SLC39A5: variants seen among roughly 807,000 people sequenced by gnomAD.
The protein encoded by SLC39A5 is zinc transporter ZIP5.
Under a neutral mutation model 46.9 loss-of-function variants are expected in SLC39A5, and 42 were observed. That is an observed-to-expected ratio of 0.90 (90% CI 0.70 to 1.16). The LOEUF is 1.16. SLC39A5 is among the 50% of genes most tolerant of loss of function. The pLI, the probability that SLC39A5 is intolerant of heterozygous loss-of-function variation, is 0.00. For missense variants in SLC39A5, 677 were observed against 686.8 expected (o/e 0.99, Z 0.16); for synonymous variants, 311 against 323.1 (o/e 0.96, Z 0.40).
At chr12:56,232,391 T>C (rs971976543) in intron 4 of SLC39A5, among the ~76,000 whole-genome samples, 81 of 151,632 alleles carry the variant, frequency 5.3e-4, no homozygotes, top group Admixed American at 8.5e-4. Flanking sequence ...GTCTCGAACT[T>C]CCAACCTCAG....
At chr12:56,232,660 A>G (rs1235290755) in intron 4 of SLC39A5, 29 bp from the exon 5 acceptor site, 1 of 1,568,302 alleles carries the variant, frequency 6.4e-7, no homozygotes, top group Non-Finnish European at 8.6e-7. Context: ...AACACAAGGG[A>G]GGCTGACTTG....
At position 56,235,832 on chromosome 12, in the gene SLC39A5, T is replaced by C. The variant is rs867652141; in HGVS notation, c.945+132T>C. 23 of 1,208,058 alleles carry C rather than the reference T, an allele frequency of 1.9e-5. No homozygotes were observed. In the Middle Eastern group the frequency reaches 2.9e-3, roughly 155 times the overall value. 74.8% of individuals were successfully genotyped at this position (1,208,058 alleles called of 1,614,324 possible). A position where few individuals can be genotyped will look rare whatever the true frequency, so the allele number is the denominator to read the frequency against. On this transcript the variant is annotated intron_variant, in intron 8 of 12. Transcript: ENST00000454355. ...GCCCAAGGCGGGCAGATCACAAGGT[T>C]AGGAGTTCGAGTCCAGCCTGACCAA...
Position 56,237,281 on chromosome 12 carries a change from A to C in SLC39A5, c.1420A>C (p.Thr474Pro), listed in dbSNP as rs1177285523. Residue 474 changes from threonine to proline, a missense_variant, in exon 12 of 13, where the codon ACT (threonine) becomes CCT (proline). Transcript: ENST00000454355. ...VGLSLGPVPLTPWVFGVTAGV... is the reference protein window; with the variant it reads ...VGLSLGPVPLPPWVFGVTAGV... ...GCTCAGCCTGGGCCCTGTCCCCCTC[A>C]CTCCCTGGGTGTTTGGGGTCACTGC... The C allele has an allele frequency of 6.2e-7, 1 of 1,612,550 alleles. No homozygotes were observed.
chr12:56,232,989 T>C (rs1003145212), intron 5 of SLC39A5, 117 bp downstream of exon 5: 1 of 1,091,384 alleles, frequency 9.2e-7, no homozygotes, highest in Non-Finnish European at 1.3e-6. Flanking sequence ...GGACCAAGCG[T>C]GGTGGCTCAC....
intron 5 of SLC39A5, 38 bp from the exon 6 acceptor site, chr12:56,234,786 C>G (rs1421550817): frequency 6.2e-7 from 1 of 1,609,908 alleles, no homozygotes; most frequent in Non-Finnish European, 8.5e-7. Context: ...AGTCATAGTT[C>G]CTGGTGATTC....
chr12:56,231,606 C>T, intron 4 of SLC39A5, 45 bp downstream of exon 4: 1 of 1,492,534 alleles, frequency 6.7e-7, no homozygotes, highest in Non-Finnish European at 8.9e-7. Flanking sequence ...TCTCCCAGGT[C>T]CTCTCAGTGC....
At chr12:56,234,686 C>T (rs1565599891) in intron 5 of SLC39A5, 138 bp from the exon 6 acceptor site, 1 of 904,222 alleles carries the variant, frequency 1.1e-6, no homozygotes, top group Non-Finnish European at 1.7e-6. Flanking sequence ...GTCTCAAACT[C>T]CTGACCTCAG....
In SLC39A5 at chr12:56,231,440, G is replaced by GGGGGCTTGGCGCGGCTTCTCCACAGCCT; in HGVS notation, c.173_200dup (p.Arg69AlafsTer42). Reference sequence around the variant, plus strand: ...CGGCGAGAATGGGACGCTGACTGCAGGGGGCTTGGCGCGGCTTCTCCACAG... The same window carrying GGGGGCTTGGCGCGGCTTCTCCACAGCCT: ...CGGCGAGAATGGGACGCTGACTGCAGGGGGCTTGGCGCGGCTTCTCCACAGCCTGGGGCTTGGCGCGGCTTCTCCACAG... On this transcript the variant is annotated frameshift_variant, in exon 4 of 13. Coordinates refer to ENST00000454355, the MANE Select transcript of SLC39A5 (RefSeq NM_173596.3). LOFTEE classifies it high-confidence loss of function. 2 of 1,614,096 alleles carry GGGGGCTTGGCGCGGCTTCTCCACAGCCT rather than the reference G, an allele frequency of 1.2e-6. No homozygotes were observed. Among genetic ancestry groups the GGGGGCTTGGCGCGGCTTCTCCACAGCCT allele is most frequent in the Non-Finnish European group, 1.7e-6 (2 of 1,179,998 alleles).
chr12:56,232,894 G>A (rs140732302), intron 5 of SLC39A5, 22 bp downstream of exon 5: 4 of 1,594,216 alleles, frequency 2.5e-6, no homozygotes, highest in South Asian at 2.3e-5. Context: ...GGTCTCTAGA[G>A]GGGAAGGAGC....
chr12:56,237,480 G>C (rs1286922829), intron 12 of SLC39A5, 108 bp from the exon 13 acceptor site: 11 of 1,559,624 alleles, frequency 7.1e-6, no homozygotes, highest in Non-Finnish European at 7.8e-6. Context: ...TGAGAAACAA[G>C]GGACTAAGGT....
intron 8 of SLC39A5, 175 bp downstream of exon 8, chr12:56,235,875 T>C (rs1475161188): frequency 2.5e-6 from 2 of 784,336 alleles, no homozygotes; most frequent in Non-Finnish European, 4.1e-6. Context: ...AAACCCTGTC[T>C]CTACTAAAAA....
Position 56,231,436 on chromosome 12 carries a change from T to G in SLC39A5, c.162T>G (p.Thr54=). ...FGLYGENGTL[T]AGGLARLLHS... is the part of the protein sequence containing the mutation. ...TGTACGGCGAGAATGGGACGCTGAC[T>G]GCAGGGGGCTTGGCGCGGCTTCTCC... is the stretch of plus-strand genomic sequence containing the variant. Residue 54 remains threonine (T), a synonymous_variant, in exon 4 of 13, where the codon ACT becomes ACG. Coordinates refer to ENST00000454355, the MANE Select transcript of SLC39A5 (RefSeq NM_173596.3). 6.2e-7 allele frequency: 1 copy of G among 1,614,104 alleles called. No individual in the cohort carries two copies. The highest frequency in any genetic ancestry group is 1.1e-5 in the South Asian group (1 of 91,084).
In SLC39A5 at chr12:56,231,347, T is replaced by C; in HGVS notation, c.73T>C (p.Ser25Pro). ...VWVVLGWVGG[S>P]VPNLGPAEQE... ...GGTCGTCTTGGGCTGGGTAGGGGGC[T>C]CAGTCCCCAACCTGGGCCCTGCTGA... The change falls in exon 4 of 13, where the codon TCA becomes CCA. Residue 25 changes from serine to proline, a missense_variant. By Grantham distance (74) the Ser-to-Pro change is moderately conservative. Coordinates refer to ENST00000454355, the MANE Select transcript of SLC39A5 (RefSeq NM_173596.3). The C allele has an allele frequency of 6.2e-7, 1 of 1,613,790 alleles. No homozygotes were observed. Among genetic ancestry groups the C allele is most frequent in the South Asian group, 1.1e-5 (1 of 91,072 alleles).
rs1385152132 is a variant in SLC39A5, at chr12:56,236,584, C to A, written c.1045C>A (p.Pro349Thr). The A allele has an allele frequency of 1.2e-6, 2 of 1,612,774 alleles. No individual in the cohort carries two copies. Among genetic ancestry groups the A allele is most frequent in the East Asian group, 4.5e-5 (2 of 44,834 alleles). Residue 349 changes from proline (P) to threonine (T), a missense_variant and splice_region_variant, in exon 10 of 13, where the codon CCA (proline) becomes ACA (threonine). Transcript: ENST00000454355. ...CTGTCCTGTGCTTCTTCCCGCAGAG[C>A]CAGGGGCTCAGGGCCAGAGGGAGAA... is the stretch of plus-strand genomic sequence containing the variant. ...ALQPLQAAPE[P>T]GAQGQREKNS...
chr12:56,236,246 G>T (rs1319141832), intron 8 of SLC39A5, 150 bp from the exon 9 acceptor site: 7 of 688,572 alleles, frequency 1.0e-5, no homozygotes, highest in Non-Finnish European at 1.8e-5. Context: ...CAGAGGGGAG[G>T]TGCCAACTTG....
chr12:56,235,962 G>C (rs1870718376), intron 8 of SLC39A5: 1 of 514,202 alleles, frequency 1.9e-6, no homozygotes, highest in East Asian at 3.8e-5. Flanking sequence ...AGAATCGCTT[G>C]ACTTGGGAGG....
At chr12:56,233,987 G>A (rs960861123) in intron 5 of SLC39A5, among the ~76,000 whole-genome samples, 15 of 152,084 alleles carry the variant, frequency 9.9e-5, no homozygotes, top group African/African-American at 3.6e-4. Flanking sequence ...CACCCAGTTT[G>A]CATCAAATTG....
chr12:56,231,527 G>A lies in SLC39A5; in HGVS notation c.253G>A (p.Ala85Thr), dbSNP rs776024063. The A allele has an allele frequency of 1.9e-6, 3 of 1,580,318 alleles. No individual in the cohort carries two copies. Among genetic ancestry groups the A allele is most frequent in the Non-Finnish European group, 2.6e-6 (3 of 1,161,790 alleles). ...ACAGCATGGGCCTCTGACTGGACGG[G>A]CTGCATCCCCAGCTGCAGACAATTC... is the stretch of plus-strand genomic sequence containing the variant. Reference protein sequence around the residue: ...LGQHGPLTGRAASPAADNSTH... With the variant: ...LGQHGPLTGRTASPAADNSTH... The change falls in exon 4 of 13, where the codon GCT (alanine) becomes ACT (threonine). Residue 85 changes from alanine to threonine, a missense_variant. By Grantham distance (58) the Ala-to-Thr change is moderately conservative (BLOSUM62 0). Coordinates refer to ENST00000454355, the MANE Select transcript of SLC39A5 (RefSeq NM_173596.3).
rs756401833 is a variant in SLC39A5 at position 56,234,859 on chromosome 12, C to G, written c.507C>G (p.Gly169=). Residue 169 remains glycine, a synonymous_variant, in exon 6 of 13, where the codon GGC becomes GGG. Transcript: ENST00000454355. ...GCTCCCAGCTGCTGGTCAATTTTGGCTTGAGCCCCGCTGCTCCTCTGACCC... is the reference window on the plus strand; with the variant it reads ...GCTCCCAGCTGCTGGTCAATTTTGGGTTGAGCCCCGCTGCTCCTCTGACCC... ...LNGSQLLVNF[G]LSPAAPLTPR... The G allele has an allele frequency of 2.0e-5, 32 of 1,613,584 alleles. 1 individual carries two copies. Among genetic ancestry groups the G allele is most frequent in the East Asian group, 1.3e-4 (6 of 44,890 alleles).
Sources: gnomAD v4.1 joint callset for allele counts (sites outside exome capture counted in the v4.1 genomes callset) on GRCh38, gnomAD v4.1.1 for gene constraint, MANE v1.5 for transcripts, NCBI Gene and HGNC (gene_info 2026-07-23, HGNC 2026-07-21) for gene names.